Variants in SYNE1 observed in about 807,000 individuals in gnomAD.
The protein encoded by SYNE1 is nesprin-1.
A neutral mutation model predicts 1,111.0 loss-of-function variants in SYNE1; 616 were observed. The ratio of observed to expected loss-of-function variants is 0.55; its 90% CI spans 0.52 to 0.59. The LOEUF (loss-of-function observed/expected upper bound fraction) is 0.59. SYNE1 is among the 20% of genes least tolerant of loss of function. The pLI, the probability that SYNE1 is intolerant of heterozygous loss-of-function variation, is 0.00. For missense variants in SYNE1, 10,006 were observed against 10,417.0 expected, an observed-to-expected ratio of 0.96 and a Z score of 1.72; for synonymous variants, 3,855 against 3,825.8, an observed-to-expected ratio of 1.01 and a Z score of -0.28.
chr6:152,504,647 A>G (rs373959889), intron 9 of SYNE1, among the ~76,000 whole-genome samples: 1 of 152,226 alleles, frequency 6.6e-6, no homozygotes, highest in East Asian at 1.9e-4. Flanking sequence ...TTAGTTTATA[A>G]AAGTTTATCA....
chr6:152,138,616 A>T, intron 140 of SYNE1, among the ~76,000 whole-genome samples: 1 of 152,078 alleles, frequency 6.6e-6, no homozygotes, highest in East Asian at 1.9e-4. Flanking sequence ...ACCCCAAATA[A>T]AAAGCATATA....
intron 3 of SYNE1, among the ~76,000 whole-genome samples, chr6:152,567,239 C>G (rs978141173): frequency 1.3e-5 from 2 of 152,146 alleles, no homozygotes; most frequent in African/African-American, 2.4e-5. Flanking sequence ...TTTTTAAAAG[C>G]TGAATAATAT....
At chr6:152,461,190 C>A (rs1303295948) in intron 21 of SYNE1, among the ~76,000 whole-genome samples, 1 of 152,064 alleles carries the variant, frequency 6.6e-6, no homozygotes, top group Non-Finnish European at 1.5e-5. Flanking sequence ...GCTATGCTTG[C>A]AGAAAATTGC....
In SYNE1 at chr6:152,293,588, C is replaced by T. The variant is rs1398583720; in HGVS notation, c.18012G>A (p.Gln6004=). 2 of 1,613,862 alleles carry T rather than the reference C, an allele frequency of 1.2e-6. No individual in the cohort carries two copies. Among genetic ancestry groups the T allele is most frequent in the East Asian group, 2.2e-5 (1 of 44,894 alleles). ...AAACTGAAGTCATGGCTATTTGTAC[C>T]TGATGTTCAGCCATCTGGCTTTCTG... ...RSPESQMAEH[Q]ALMDEILMLQ... is the part of the protein sequence containing the mutation. The change falls in exon 95 of 146, where the codon CAG becomes CAA. Residue 6004 remains glutamine, a splice_region_variant and synonymous_variant. Coordinates refer to ENST00000367255, the MANE Select transcript of SYNE1 (RefSeq NM_182961.4).
At chr6:152,155,242 T>G in intron 132 of SYNE1, 200 bp from the exon 133 acceptor site, 2 of 584,368 alleles carry the variant, frequency 3.4e-6, no homozygotes, top group Non-Finnish European at 6.0e-6. Context: ...TGTTTTATTT[T>G]TTTAAAAACA....
In SYNE1 at chr6:152,354,762, T is replaced by C. The variant is rs1406082158; in HGVS notation, c.10823A>G (p.Gln3608Arg). 2 of 1,614,134 alleles carry C rather than the reference T, an allele frequency of 1.2e-6. No individual in the cohort carries two copies. Among genetic ancestry groups the C allele is most frequent in the Non-Finnish European group, 1.7e-6 (2 of 1,180,062 alleles). The change falls in exon 67 of 146, where the codon CAG becomes CGG. Residue 3608 changes from glutamine to arginine, a missense_variant. Physicochemically the swap from Gln to Arg is conservative, Grantham distance 43 (BLOSUM62 1). This residue lies in a region of SYNE1 where 4,955 missense variants were observed against 5,017.2 expected (regional missense o/e 0.99). Coordinates refer to ENST00000367255, the MANE Select transcript of SYNE1 (RefSeq NM_182961.4). ...NKLRLMEQKF[Q>R]QVDEWLKTAE... Reference sequence around the variant, plus strand: ...TGTTTTGAGCCATTCATCTACTTGCTGAAACTTTTGCTCCATTAGCCTCAA... The same window carrying C: ...TGTTTTGAGCCATTCATCTACTTGCCGAAACTTTTGCTCCATTAGCCTCAA...
At chr6:152,469,104 G>C (rs1393935763) in intron 16 of SYNE1, among the ~76,000 whole-genome samples, 1 of 152,086 alleles carries the variant, frequency 6.6e-6, no homozygotes, top group East Asian at 1.9e-4. Context: ...AGTGTGGGGG[G>C]TGTAAACCAA....
At chr6:152,465,576 C>T in intron 17 of SYNE1, 116 bp from the exon 18 acceptor site, 1 of 913,638 alleles carries the variant, frequency 1.1e-6, no homozygotes, top group Non-Finnish European at 1.7e-6. Flanking sequence ...TGCCAGAGTT[C>T]ATTTCCAACA....
intron 39 of SYNE1, among the ~76,000 whole-genome samples, chr6:152,419,998 G>A (rs2098229203): frequency 6.6e-6 from 1 of 152,052 alleles, no homozygotes; most frequent in South Asian, 2.1e-4. Flanking sequence ...TACCCTCTCA[G>A]CATAACATAT....
At chr6:152,475,335 C>T (rs2098828785) in intron 14 of SYNE1, among the ~76,000 whole-genome samples, 1 of 152,114 alleles carries the variant, frequency 6.6e-6, no homozygotes, top group African/African-American at 2.4e-5. Flanking sequence ...CCTAAACCAA[C>T]CAAACATTAT....
chr6:152,556,126 T>C (rs929338675), intron 3 of SYNE1, among the ~76,000 whole-genome samples: 1 of 152,160 alleles, frequency 6.6e-6, no homozygotes, highest in Non-Finnish European at 1.5e-5. Context: ...CAGTTTCCAG[T>C]GCTCATTTCC....
intron 78 of SYNE1, among the ~76,000 whole-genome samples, chr6:152,328,379 A>ATTTTATTTTTTTT (rs879563679): frequency 8.2e-6 from 1 of 122,152 alleles, no homozygotes; most frequent in African/African-American, 2.9e-5. Flanking sequence ...TTCTTATTTT[A>ATTTTATTTTTTTT]TTTTATTTAT....
In SYNE1 at chr6:152,151,289, A is replaced by G. The variant is rs561476987; in HGVS notation, c.24450+264T>C. 1.3e-4 allele frequency among the ~76,000 whole-genome samples: 20 copies of G among 152,214 alleles called. No homozygotes were observed. In the South Asian group the frequency reaches 4.1e-3, roughly 32 times the overall value. On this transcript the variant is annotated intron_variant, in intron 135 of 145. Coordinates refer to ENST00000367255, the MANE Select transcript of SYNE1 (RefSeq NM_182961.4). ...ACCCTGGCAATCAAGCTGATTGAAA[A>G]TCAATCAAGCTGTTGAAAAATATCA...
At position 152,143,672 on chromosome 6, in the gene SYNE1, C is replaced by T. The variant is rs766534980; in HGVS notation, c.25070G>A (p.Arg8357His). 1.1e-5 allele frequency: 17 copies of T among 1,614,024 alleles called. No individual in the cohort carries two copies. The African/African-American group carries it at 1.1e-4, about 10-fold the overall frequency. Residue 8357 changes from arginine (R) to histidine (H), a missense_variant, in exon 138 of 146, where the codon CGC becomes CAC. Transcript: ENST00000367255. ...FQIQQTENII[R>H]SKTPTGPELD... The stretch of plus-strand genomic sequence containing the variant: ...CTCCGGCCCCGTGGGAGTTTTGCTG[C>T]GAATGATATTTTCGGTTTGCTGTAT...
At chr6:152,613,473 C>T (rs980359886) in intron 3 of SYNE1, among the ~76,000 whole-genome samples, 1 of 152,154 alleles carries the variant, frequency 6.6e-6, no homozygotes, top group African/African-American at 2.4e-5. Flanking sequence ...AGGAGAACTA[C>T]AAACCACTGC....
intron 22 of SYNE1, among the ~76,000 whole-genome samples, chr6:152,458,022 G>C (rs567132733): frequency 1.3e-4 from 19 of 151,410 alleles, no homozygotes; most frequent in Non-Finnish European, 2.4e-4. Context: ...ATGTAATGTA[G>C]AGACAGGATA....
intron 14 of SYNE1, 117 bp downstream of exon 14, chr6:152,482,968 C>T (rs764115693): frequency 2.7e-5 from 32 of 1,175,594 alleles, no homozygotes; most frequent in Non-Finnish European, 3.7e-5. Context: ...TGTGACGTCT[C>T]CGATCATGTA....
intron 76 of SYNE1, 85 bp from the exon 77 acceptor site, chr6:152,334,358 T>A: frequency 6.9e-7 from 1 of 1,446,668 alleles, no homozygotes; most frequent in Non-Finnish European, 9.5e-7. Context: ...ATAAGACCTT[T>A]AAACACTCTA....
At chr6:152,214,353 G>A (rs921088005) in intron 122 of SYNE1, among the ~76,000 whole-genome samples, 3 of 152,058 alleles carry the variant, frequency 2.0e-5, no homozygotes, top group East Asian at 1.9e-4. Flanking sequence ...CATGAGAAAC[G>A]ACTTTACAAT....
Sources: allele counts gnomAD v4.1 joint callset (sites outside exome capture counted in the v4.1 genomes callset), GRCh38; gene constraint gnomAD v4.1.1; regional missense constraint gnomAD v4.1.1; transcripts MANE v1.5; gene names NCBI Gene and HGNC (gene_info 2026-07-23, HGNC 2026-07-21).